Variants in SPAG17 observed in about 807,000 individuals in gnomAD.
SPAG17 encodes sperm associated antigen 17, also known as sperm-associated antigen 17.
Under a neutral mutation model 273.6 loss-of-function variants are expected in SPAG17, and 169 were observed. That is an observed-to-expected ratio of 0.62 (90% CI 0.55 to 0.70). SPAG17 has a LOEUF of 0.70. Ranked by LOEUF, SPAG17 falls within the 30% of genes least tolerant of loss-of-function variation. The probability of loss-of-function intolerance (pLI) is 0.00; values close to 1 mark genes in which losing one functional copy is unlikely to be tolerated. For missense variants in SPAG17, 2,557 were observed against 2,627.8 expected, an observed-to-expected ratio of 0.97 and a Z score of 0.59; for synonymous variants, 825 against 873.2, an observed-to-expected ratio of 0.94 and a Z score of 0.97.
chr1:118,006,090 C>G (rs1437871705), intron 31 of SPAG17, among the ~76,000 whole-genome samples: 1 of 152,166 alleles, frequency 6.6e-6, no homozygotes, highest in Non-Finnish European at 1.5e-5. Context: ...AATTCTGGTT[C>G]AAACAGATCT....
Position 118,016,149 on chromosome 1 carries a change from T to C in SPAG17, c.4103A>G (p.His1368Arg), listed in dbSNP as rs921480296. 9 of 1,613,834 alleles carry C rather than the reference T, an allele frequency of 5.6e-6. No individual in the cohort carries two copies. Among genetic ancestry groups the C allele is most frequent in the Non-Finnish European group, 7.6e-6 (9 of 1,179,878 alleles). ...AGGAGGGTCATGGATTTCACCCTTA[T>C]GGGCCATTGATGACTGACTTTTGTG... ...KSHKSQSSMA[H>R]KGEIHDPPPE... The change falls in exon 29 of 49, where the codon CAT (histidine) becomes CGT (arginine). Residue 1368 changes from histidine to arginine, a missense_variant. His to Arg is a conservative substitution (Grantham distance 29). Coordinates refer to ENST00000336338, the MANE Select transcript of SPAG17 (RefSeq NM_206996.4).
At chr1:118,068,907 T>C (rs1162439138) in intron 17 of SPAG17, among the ~76,000 whole-genome samples, 1 of 152,128 alleles carries the variant, frequency 6.6e-6, no homozygotes, top group Non-Finnish European at 1.5e-5. Flanking sequence ...ACCTGTGGCT[T>C]TATAGATTAT....
chr1:118,124,255 C>G (rs563345622), intron 3 of SPAG17, among the ~76,000 whole-genome samples: 5 of 152,248 alleles, frequency 3.3e-5, no homozygotes. Flanking sequence ...ATGCTCCCAC[C>G]CCTCTGAAGT....
intron 10 of SPAG17, among the ~76,000 whole-genome samples, chr1:118,090,670 G>C (rs1401524935): frequency 1.3e-5 from 2 of 152,036 alleles, no homozygotes; most frequent in African/African-American, 2.4e-5. Flanking sequence ...GTTGGCTTGG[G>C]GCCACGAGTT....
At chr1:118,065,879 G>T (rs897365958) in intron 18 of SPAG17, among the ~76,000 whole-genome samples, 1 of 151,830 alleles carries the variant, frequency 6.6e-6, no homozygotes, top group East Asian at 1.9e-4. Flanking sequence ...TTAAAATCTG[G>T]AATAAGACAA....
At chr1:118,087,531 A>G (rs1251161504) in intron 10 of SPAG17, among the ~76,000 whole-genome samples, 1 of 152,196 alleles carries the variant, frequency 6.6e-6, no homozygotes, top group African/African-American at 2.4e-5. Flanking sequence ...GCTCAAGGAT[A>G]TTGAGTGGAA....
At chr1:118,158,882 G>C (rs1273652308) in intron 1 of SPAG17, among the ~76,000 whole-genome samples, 1 of 152,354 alleles carries the variant, frequency 6.6e-6, no homozygotes, top group East Asian at 1.9e-4. Flanking sequence ...CCCTGCTAAT[G>C]GCGGTATTTA....
intron 48 of SPAG17, 153 bp from the exon 49 acceptor site, chr1:117,954,202 A>G: frequency 1.1e-6 from 1 of 934,706 alleles, no homozygotes. Context: ...TATGCAATAA[A>G]TGGAATAGAA....
chr1:118,115,557 T>C, intron 3 of SPAG17, 116 bp from the exon 4 acceptor site: 1 of 1,090,604 alleles, frequency 9.2e-7, no homozygotes, highest in Non-Finnish European at 1.3e-6. Flanking sequence ...GAAAGATACT[T>C]CATTGCTGGC....
chr1:117,954,566 T>C (rs1232742797), intron 48 of SPAG17: 1 of 1,611,844 alleles, frequency 6.2e-7, no homozygotes, highest in South Asian at 1.1e-5. Flanking sequence ...CTTGATTTAA[T>C]AATTTCTTCA....
chr1:118,178,519 G>A (rs1660799141), intron 1 of SPAG17, among the ~76,000 whole-genome samples: 1 of 151,878 alleles, frequency 6.6e-6, no homozygotes, highest in Non-Finnish European at 1.5e-5. Flanking sequence ...TCTAAGATCT[G>A]GAATAGGATG....
chr1:118,171,019 A>G (rs1660393645), intron 1 of SPAG17, among the ~76,000 whole-genome samples: 2 of 152,202 alleles, frequency 1.3e-5, no homozygotes, highest in Admixed American at 1.3e-4. Context: ...TTTGAGAAAT[A>G]GGTAATTCCA....
intron 3 of SPAG17, among the ~76,000 whole-genome samples, chr1:118,122,172 T>C (rs1042651565): frequency 6.6e-6 from 1 of 152,070 alleles, no homozygotes; most frequent in Non-Finnish European, 1.5e-5. Flanking sequence ...TGTGTGTGTG[T>C]GTGTGTGTTT....
At chr1:118,172,747 G>C (rs1280501186) in intron 1 of SPAG17, among the ~76,000 whole-genome samples, 1 of 151,980 alleles carries the variant, frequency 6.6e-6, no homozygotes, top group African/African-American at 2.4e-5. Context: ...TCTCTTTACT[G>C]GTACCATGCT....
At chr1:118,178,316 T>C (rs1660789088) in intron 1 of SPAG17, among the ~76,000 whole-genome samples, 1 of 152,112 alleles carries the variant, frequency 6.6e-6, no homozygotes, top group South Asian at 2.1e-4. Flanking sequence ...ACATGATACA[T>C]TGTATGAACA....
intron 45 of SPAG17, 63 bp from the exon 46 acceptor site, chr1:117,970,179 C>G (rs1654394379): frequency 1.3e-6 from 2 of 1,499,522 alleles, no homozygotes; most frequent in Non-Finnish European, 1.8e-6. Flanking sequence ...AATGAATAAG[C>G]TGGGATGTTA....
intron 1 of SPAG17, among the ~76,000 whole-genome samples, chr1:118,169,807 A>C (rs1388626978): frequency 6.6e-6 from 1 of 152,230 alleles, no homozygotes; most frequent in Admixed American, 6.5e-5. Flanking sequence ...GCTTTGTTCA[A>C]AACTCTAGGA....
intron 38 of SPAG17, 51 bp downstream of exon 38, chr1:117,990,810 T>G: frequency 8.1e-7 from 1 of 1,234,768 alleles, no homozygotes; most frequent in African/African-American, 1.5e-5. Flanking sequence ...TTTAAGATGA[T>G]TCCTTTGAAA....
In SPAG17 at chr1:118,028,357, GTC is replaced by G. The variant is rs767904917; in HGVS notation, c.3645_3646del (p.Glu1215AspfsTer35). On this transcript the variant is annotated frameshift_variant, in exon 26 of 49. Coordinates refer to ENST00000336338, the MANE Select transcript of SPAG17 (RefSeq NM_206996.4). LOFTEE classifies it high-confidence loss of function. ...GCTCTGGAAGGTGGGAACATCCAAA[GTC>G]TCTTGTAAAACAGGTTCTGGTTCTA... 3 of 1,613,878 alleles carry G rather than the reference GTC, an allele frequency of 1.9e-6. No individual in the cohort carries two copies. In the South Asian group the frequency reaches 3.3e-5, roughly 18 times the overall value.
Sources: allele counts gnomAD v4.1 joint callset (sites outside exome capture counted in the v4.1 genomes callset), GRCh38; gene constraint gnomAD v4.1.1; transcripts MANE v1.5; gene names NCBI Gene and HGNC (gene_info 2026-07-23, HGNC 2026-07-21).